Variants in EFCAB13 observed in about 807,000 individuals in gnomAD.
EFCAB13 encodes EF-hand calcium-binding domain-containing protein 13.
In EFCAB13, 91 loss-of-function variants were observed where a neutral mutation model predicts 110.2. The ratio of observed to expected loss-of-function variants is 0.83; its 90% confidence interval spans 0.70 to 0.98. The LOEUF (loss-of-function observed/expected upper bound fraction) is 0.98. EFCAB13 is among the 50% of genes least tolerant of loss of function. The probability of loss-of-function intolerance (pLI) is 0.00; values close to 1 mark genes in which losing one functional copy is unlikely to be tolerated. For synonymous variants in EFCAB13, 323 were observed against 369.9 expected (o/e 0.87, Z 1.45); for missense variants, 968 against 1,119.4 (o/e 0.86, Z 1.93).
At chr17:47,415,085 T>C in intron 23 of EFCAB13, 166 bp downstream of exon 23, 1 of 426,050 alleles carries the variant, frequency 2.3e-6, no homozygotes, top group Non-Finnish European at 4.2e-6. Context: ...ATGTCCTTTG[T>C]AGGGACATGG....
chr17:47,392,517 A>T (rs2065713668), intron 15 of EFCAB13, among the ~76,000 whole-genome samples: 1 of 152,290 alleles, frequency 6.6e-6, no homozygotes, highest in East Asian at 1.9e-4. Flanking sequence ...ATAAAGCCGT[A>T]GTGACTAAAA....
At chr17:47,364,366 T>G (rs2065533874) in intron 10 of EFCAB13, among the ~76,000 whole-genome samples, 1 of 152,218 alleles carries the variant, frequency 6.6e-6, no homozygotes, top group Non-Finnish European at 1.5e-5. Flanking sequence ...CAGACTGTAG[T>G]GCAGTGGTGT....
Position 47,408,373 on chromosome 17 carries a change from G to A in EFCAB13, c.2234-1274G>A, listed in dbSNP as rs79048869. Among the ~76,000 whole-genome samples, 644 of 152,262 alleles carry A rather than the reference G, an allele frequency of 4.2e-3. 17 individuals are homozygous for A. In the East Asian group the frequency reaches 0.064, roughly 15 times the overall value. On this transcript the variant is annotated intron_variant, in intron 20 of 24. Coordinates refer to ENST00000331493, the MANE Select transcript of EFCAB13 (RefSeq NM_152347.5). ...TTCAGCTGAAAAATGTAATCAGGCT[G>A]GGGGAAGTGGCTCATACCTATACTC...
chr17:47,333,559 G>A (rs764272772), intron 4 of EFCAB13, among the ~76,000 whole-genome samples: 1 of 152,054 alleles, frequency 6.6e-6, no homozygotes, highest in Non-Finnish European at 1.5e-5. Context: ...TAACTTTACA[G>A]TTTTAGGTCT....
intron 21 of EFCAB13, among the ~76,000 whole-genome samples, chr17:47,411,940 A>T (rs114399674): frequency 0.01 from 1,594 of 152,218 alleles, 29 homozygotes; most frequent in African/African-American, 0.035. Context: ...AAAAATATTT[A>T]AAAAATTAGC....
At chr17:47,423,681 G>T (rs892531869) in intron 23 of EFCAB13, among the ~76,000 whole-genome samples, 1 of 151,004 alleles carries the variant, frequency 6.6e-6, no homozygotes, top group Non-Finnish European at 1.5e-5. Flanking sequence ...TCCGCACGAC[G>T]TGTCACCCCG....
At chr17:47,335,154 T>G (rs1286524744) in intron 4 of EFCAB13, 42 bp from the exon 5 acceptor site, 2 of 1,524,336 alleles carry the variant, frequency 1.3e-6, no homozygotes, top group East Asian at 4.6e-5. Flanking sequence ...AATATGTATG[T>G]GCAAAGAGGA....
chr17:47,434,878 C>T (rs1287726258), intron 24 of EFCAB13, among the ~76,000 whole-genome samples: 3 of 152,046 alleles, frequency 2.0e-5, no homozygotes, highest in African/African-American at 7.2e-5. Context: ...TCACCTTATA[C>T]AAAATCAACT....
rs1293110148 is a variant in EFCAB13, at chr17:47,431,258, G to A, written c.2638+1297G>A. 3.3e-5 allele frequency among the ~76,000 whole-genome samples: 5 copies of A among 150,520 alleles called. No homozygotes were observed. Among genetic ancestry groups the A allele is most frequent in the South Asian group, 2.1e-4 (1 of 4,750 alleles). On this transcript the variant is annotated intron_variant, in intron 24 of 24. Transcript: ENST00000331493. This position sits in a 1 kb window ranked among gnomAD's most constrained non-coding sequence, Gnocchi z 4.1. ...CAACCCCTTTTTTTAATCTCCTTCC[G>A]CCTATATCCTAACATCTATTTTTTC...
At chr17:47,411,162 C>T (rs1048334287) in intron 21 of EFCAB13, among the ~76,000 whole-genome samples, 1 of 152,142 alleles carries the variant, frequency 6.6e-6, no homozygotes, top group African/African-American at 2.4e-5. Flanking sequence ...GTTGTTAACT[C>T]ATAATCATGA....
intron 7 of EFCAB13, among the ~76,000 whole-genome samples, 199 bp downstream of exon 7, chr17:47,344,491 A>G (rs1157907641): frequency 1.3e-5 from 2 of 152,162 alleles, no homozygotes; most frequent in Non-Finnish European, 2.9e-5. Context: ...ACATGCTTAG[A>G]CTTTTGTAAA....
intron 23 of EFCAB13, among the ~76,000 whole-genome samples, chr17:47,416,151 T>C (rs1904434736): frequency 6.6e-6 from 1 of 152,152 alleles, no homozygotes; most frequent in Non-Finnish European, 1.5e-5. Context: ...ACCATAAATT[T>C]CACCCTTTTA....
rs565251459 is a variant in EFCAB13 at position 47,366,971 on chromosome 17, CAG to C, written c.806-3464_806-3463del. Reference sequence around the variant, plus strand: ...CTGGATTAATACATGTATGGTCTAACAGAATACTTTTCAGTGATCAGATTCAA... The same window carrying C: ...CTGGATTAATACATGTATGGTCTAACAATACTTTTCAGTGATCAGATTCAA... On this transcript the variant is annotated intron_variant, in intron 10 of 24. Transcript: ENST00000331493. Among the ~76,000 whole-genome samples, 80 of 152,310 alleles carry C rather than the reference CAG, an allele frequency of 5.3e-4. No individual in the cohort carries two copies. The South Asian group carries it at 0.014, about 26-fold the overall frequency.
In EFCAB13 at chr17:47,440,737, G is replaced by T; in HGVS notation, c.*23G>T. ...TAGGTAGTCTTACTTGATAGTGCTA[G>T]AAAATTACTAGATTATATATTATTC... On this transcript the variant is annotated 3_prime_UTR_variant, in exon 25 of 25. Transcript: ENST00000331493. 1 of 1,499,006 alleles carries T rather than the reference G, an allele frequency of 6.7e-7. No homozygotes were observed. The highest frequency in any genetic ancestry group is 1.4e-5 in the South Asian group (1 of 71,630). The allele number at this position is 1,499,006 out of a possible 1,614,324, so 92.9% of individuals were successfully genotyped here.
intron 17 of EFCAB13, among the ~76,000 whole-genome samples, chr17:47,397,248 G>A (rs2065745050): frequency 6.6e-6 from 1 of 152,198 alleles, no homozygotes; most frequent in African/African-American, 2.4e-5. Flanking sequence ...TCCTAGCCGC[G>A]AGTGATCCGC....
intron 12 of EFCAB13, among the ~76,000 whole-genome samples, chr17:47,375,588 G>A (rs1200615591): frequency 2.0e-5 from 3 of 151,920 alleles, no homozygotes; most frequent in Non-Finnish European, 2.9e-5. Flanking sequence ...GAGCCACCAC[G>A]TCCGGCCTGC....
At chr17:47,350,887 A>T (rs571524419) in intron 9 of EFCAB13, among the ~76,000 whole-genome samples, 2 of 152,152 alleles carry the variant, frequency 1.3e-5, no homozygotes, top group African/African-American at 2.4e-5. Context: ...TCAAGTTCTT[A>T]TGCTCGGTCC....
At chr17:47,346,723 G>T (rs552563156) in intron 8 of EFCAB13, among the ~76,000 whole-genome samples, 1 of 152,166 alleles carries the variant, frequency 6.6e-6, no homozygotes, top group Non-Finnish European at 1.5e-5. Context: ...ATTGGAAAAG[G>T]TGCCCTTTCA....
chr17:47,359,829 T>C (rs1228532794), intron 9 of EFCAB13, among the ~76,000 whole-genome samples: 9 of 127,900 alleles, frequency 7.0e-5, no homozygotes, highest in African/African-American at 2.4e-4. Flanking sequence ...CCTGTGTCCA[T>C]GTGTTCTCAT....
Sources: gnomAD v4.1 joint callset for allele counts (sites outside exome capture counted in the v4.1 genomes callset) on GRCh38, gnomAD v4.1.1 for gene constraint, Gnocchi (gnomAD v3.1) non-coding constraint, MANE v1.5 for transcripts, NCBI Gene and HGNC (gene_info 2026-07-23, HGNC 2026-07-21) for gene names.